The following TTBK2 variants were observed in gnomAD, a reference collection of about 807,000 sequenced individuals.
The protein encoded by TTBK2 is tau-tubulin kinase 2.
Under a neutral mutation model 110.8 loss-of-function variants are expected in TTBK2, and 28 were observed. That is an observed-to-expected ratio of 0.25 (90% CI 0.19 to 0.35). The LOEUF is 0.35. Among genes scored for constraint, TTBK2 ranks in the 10% least tolerant of loss-of-function variants. TTBK2 has a pLI of 1.00. For missense variants in TTBK2, 1,369 were observed against 1,500.3 expected (o/e 0.91, Z 1.45); for synonymous variants, 532 against 527.3 (o/e 1.01, Z -0.12).
chr15:42,857,934 T>A (rs1894008998), intron 3 of TTBK2, among the ~76,000 whole-genome samples: 1 of 151,964 alleles, frequency 6.6e-6, no homozygotes, highest in African/African-American at 2.4e-5. Context: ...AATACAAAAA[T>A]TAGCCAGGCA....
At position 42,820,114 on chromosome 15, in the gene TTBK2, A is replaced by C. The variant is rs191257906; in HGVS notation, c.538-3017T>G. Among the ~76,000 whole-genome samples the C allele has an allele frequency of 1.6e-3, 250 of 152,340 alleles. 1 individual carries two copies. Among genetic ancestry groups the C allele is most frequent in the Non-Finnish European group, 2.0e-3 (133 of 68,030 alleles). ...AAACAGAAATCAGCTGTTTAGAGAA[A>C]TCTTGACATAAGTAGTCAAAGAAAT... On this transcript the variant is annotated intron_variant, in intron 6 of 14. Coordinates refer to ENST00000267890, the MANE Select transcript of TTBK2 (RefSeq NM_173500.4).
At chr15:42,897,953 G>C (rs1895733842) in intron 1 of TTBK2, among the ~76,000 whole-genome samples, 1 of 151,966 alleles carries the variant, frequency 6.6e-6, no homozygotes, top group Non-Finnish European at 1.5e-5. Flanking sequence ...ACTTTGGGAG[G>C]CCAAGGCAGG....
At chr15:42,852,609 G>A (rs563605485) in intron 3 of TTBK2, among the ~76,000 whole-genome samples, 106 of 152,152 alleles carry the variant, frequency 7.0e-4, no homozygotes, top group Non-Finnish European at 1.3e-3. Context: ...CCATTTCAAG[G>A]AAATAGACCT....
chr15:42,838,797 C>G (rs1244143102), intron 4 of TTBK2, among the ~76,000 whole-genome samples: 3 of 151,578 alleles, frequency 2.0e-5, no homozygotes, highest in African/African-American at 7.3e-5. Flanking sequence ...GCCTGGGTGA[C>G]AGACCAAGAC....
At chr15:42,856,276 T>C (rs895681494) in intron 3 of TTBK2, among the ~76,000 whole-genome samples, 1 of 151,964 alleles carries the variant, frequency 6.6e-6, no homozygotes, top group Non-Finnish European at 1.5e-5. Flanking sequence ...ACAAGAAATA[T>C]GAAGGATGGA....
intron 9 of TTBK2, among the ~76,000 whole-genome samples, chr15:42,796,728 T>A (rs965645244): frequency 3.3e-5 from 5 of 152,248 alleles, no homozygotes; most frequent in Admixed American, 1.3e-4. Flanking sequence ...CTGACATTAA[T>A]CTGAGCTTAC....
intron 9 of TTBK2, among the ~76,000 whole-genome samples, chr15:42,799,097 C>T (rs534017290): frequency 2.4e-3 from 370 of 152,154 alleles, no homozygotes; most frequent in Non-Finnish European, 4.4e-3. Flanking sequence ...CCACTGGGCG[C>T]GGTGGCTCAG....
At chr15:42,795,046 A>G (rs1159365598) in intron 9 of TTBK2, among the ~76,000 whole-genome samples, 3 of 152,224 alleles carry the variant, frequency 2.0e-5, no homozygotes, top group Admixed American at 6.5e-5. Context: ...CATCATATCT[A>G]TAACCTACTC....
chr15:42,766,586 T>C (rs1401960798), intron 13 of TTBK2, among the ~76,000 whole-genome samples: 1 of 151,518 alleles, frequency 6.6e-6, no homozygotes, highest in East Asian at 1.9e-4. Context: ...GAGCTAACTA[T>C]CCTAAATATA....
At chr15:42,824,112 C>G (rs374582386) in intron 6 of TTBK2, among the ~76,000 whole-genome samples, 1 of 152,084 alleles carries the variant, frequency 6.6e-6, no homozygotes, top group Non-Finnish European at 1.5e-5. Flanking sequence ...TGAGAACTCA[C>G]GACCCCTCCG....
chr15:42,759,213 A>T (rs931454564), intron 13 of TTBK2, among the ~76,000 whole-genome samples: 2 of 152,224 alleles, frequency 1.3e-5, no homozygotes, highest in Non-Finnish European at 2.9e-5. Flanking sequence ...CCAGGTAGAG[A>T]AACAGTCTGG....
rs1011066989 is a variant in TTBK2 at position 42,878,460 on chromosome 15, T to C, written c.69+89A>G. 4.4e-6 allele frequency: 7 copies of C among 1,589,394 alleles called. No individual in the cohort carries two copies. The African/African-American group carries it at 6.7e-5, about 15-fold the overall frequency. On this transcript the variant is annotated intron_variant, in intron 2 of 14. Transcript: ENST00000267890. ...ATTTCCTAATGAAATGCTATTTTTA[T>C]CAGGATACCAAAAATTACCCCCCGA... is the stretch of plus-strand genomic sequence containing the variant.
At chr15:42,814,069 T>C (rs1452793672) in intron 7 of TTBK2, among the ~76,000 whole-genome samples, 1 of 152,024 alleles carries the variant, frequency 6.6e-6, no homozygotes, top group African/African-American at 2.4e-5. Flanking sequence ...CAGCCCGGGC[T>C]GGAGTGCGAT....
intron 3 of TTBK2, among the ~76,000 whole-genome samples, chr15:42,848,739 C>A (rs989052668): frequency 1.3e-5 from 2 of 152,216 alleles, no homozygotes; most frequent in East Asian, 3.8e-4. Context: ...ATCCGCCCAC[C>A]TAAGCCTCCC....
rs572480149 is a variant in TTBK2 at position 42,801,278 on chromosome 15, G to A, written c.823-6477C>T. On this transcript the variant is annotated intron_variant, in intron 9 of 14. Transcript: ENST00000267890. ...TCTTGATATCCAGGGCCAGCTTGACGTTCATCAGCTCCTGGTACTCACGCA... is the reference window on the plus strand; with the variant it reads ...TCTTGATATCCAGGGCCAGCTTGACATTCATCAGCTCCTGGTACTCACGCA... 21 of 1,542,486 alleles carry A rather than the reference G, an allele frequency of 1.4e-5. 1 individual carries two copies. The highest frequency in any genetic ancestry group is 7.0e-5 in the South Asian group (6 of 85,162).
intron 13 of TTBK2, among the ~76,000 whole-genome samples, chr15:42,768,062 G>A (rs2140710746): frequency 6.6e-6 from 1 of 152,240 alleles, no homozygotes; most frequent in Admixed American, 6.5e-5. Flanking sequence ...AAATTCAACA[G>A]CCCTTCGTGC....
chr15:42,803,241 C>CTG (rs1891301790), intron 9 of TTBK2, among the ~76,000 whole-genome samples: 1 of 152,128 alleles, frequency 6.6e-6, no homozygotes, highest in South Asian at 2.1e-4. Flanking sequence ...GGCTACCTAT[C>CTG]TGTGTAGCGT....
At chr15:42,890,862 A>G (rs897876410) in intron 1 of TTBK2, among the ~76,000 whole-genome samples, 1 of 151,992 alleles carries the variant, frequency 6.6e-6, no homozygotes, top group Non-Finnish European at 1.5e-5. Context: ...TGCCTACGTA[A>G]TAAGCTCTTT....
At chr15:42,854,381 C>G (rs182365161) in intron 3 of TTBK2, among the ~76,000 whole-genome samples, 1 of 152,128 alleles carries the variant, frequency 6.6e-6, no homozygotes, top group Admixed American at 6.5e-5. Flanking sequence ...AATATAAATA[C>G]AGCAAGTCCT....
Sources: allele counts gnomAD v4.1 joint callset (sites outside exome capture counted in the v4.1 genomes callset), GRCh38; gene constraint gnomAD v4.1.1; transcripts MANE v1.5; gene names NCBI Gene and HGNC (gene_info 2026-07-23, HGNC 2026-07-21).